FAM135A: variants seen among roughly 807,000 people sequenced by gnomAD.
The protein encoded by FAM135A is family with sequence similarity 135 member A.
A neutral mutation model predicts 146.8 loss-of-function variants in FAM135A; 79 were observed. That is an observed-to-expected ratio of 0.54 (90% CI 0.45 to 0.65). The LOEUF (loss-of-function observed/expected upper bound fraction) is 0.65. Among genes scored for constraint, FAM135A ranks in the 30% least tolerant of loss-of-function variants. The pLI is 0.00. For missense variants in FAM135A, 1,623 were observed against 1,758.2 expected (o/e 0.92, Z 1.38); for synonymous variants, 562 against 603.6 (o/e 0.93, Z 1.01).
intron 12 of FAM135A, 39 bp downstream of exon 12, chr6:70,502,830 G>T: frequency 6.4e-7 from 1 of 1,568,882 alleles, no homozygotes; most frequent in Non-Finnish European, 8.6e-7. Context: ...ATTTTAATGA[G>T]TATTATTTAC....
chr6:70,485,713 G>A (rs1473450905), intron 10 of FAM135A, among the ~76,000 whole-genome samples: 2 of 151,808 alleles, frequency 1.3e-5, no homozygotes, highest in Non-Finnish European at 2.9e-5. Flanking sequence ...AGTTCCTTTC[G>A]GCTTTTTTGC....
At position 70,560,538 on chromosome 6, in the gene FAM135A, A is replaced by G. The variant is rs985695570; in HGVS notation, c.*617A>G. ...ACATATTTCATGCCTATTAAAATATATTTTCTACTGGTGATTTCAACATTA... is the reference window on the plus strand; with the variant it reads ...ACATATTTCATGCCTATTAAAATATGTTTTCTACTGGTGATTTCAACATTA... On this transcript the variant is annotated 3_prime_UTR_variant, in exon 22 of 22. Coordinates refer to ENST00000418814, the MANE Select transcript of FAM135A (RefSeq NM_001162529.3). 6.6e-5 allele frequency: 10 copies of G among 152,484 alleles called. No homozygotes were observed. The highest frequency in any genetic ancestry group is 2.4e-4 in the African/African-American group (10 of 41,414). The allele number at this position is 152,484 out of a possible 1,614,324, so 9.4% of individuals were successfully genotyped here.
chr6:70,530,751 TCAAA>T (rs987082651), intron 16 of FAM135A, among the ~76,000 whole-genome samples: 108 of 152,090 alleles, frequency 7.1e-4, no homozygotes, highest in African/African-American at 2.4e-3. Context: ...AGACTCCATC[TCAAA>T]CAAACAAACA....
intron 15 of FAM135A, among the ~76,000 whole-genome samples, chr6:70,527,062 A>C (rs1418770797): frequency 1.3e-5 from 2 of 151,906 alleles, no homozygotes; most frequent in Non-Finnish European, 2.9e-5. Context: ...CCCTTTTTTC[A>C]TCAGTCCCTC....
chr6:70,444,703 A>C (rs189408094), intron 4 of FAM135A, among the ~76,000 whole-genome samples: 1 of 152,366 alleles, frequency 6.6e-6, no homozygotes, highest in African/African-American at 2.4e-5. Flanking sequence ...ATTTAAAATA[A>C]TGTGTATATT....
chr6:70,500,473 C>T (rs1354960066), intron 11 of FAM135A, among the ~76,000 whole-genome samples: 2 of 152,136 alleles, frequency 1.3e-5, no homozygotes, highest in Non-Finnish European at 2.9e-5. Flanking sequence ...CTTCTGAAGC[C>T]TCCTTCTGTC....
chr6:70,470,510 C>T lies in FAM135A; in HGVS notation c.158-4900C>T, dbSNP rs559694748. 1.2e-4 allele frequency among the ~76,000 whole-genome samples: 18 copies of T among 152,286 alleles called. No homozygotes were observed. In the South Asian group the frequency reaches 3.7e-3, roughly 32 times the overall value. On this transcript the variant is annotated intron_variant, in intron 5 of 21. Coordinates refer to ENST00000418814, the MANE Select transcript of FAM135A (RefSeq NM_001162529.3). ...TAGCTGGGATTACAGGTGGCCGCCA[C>T]CACACCCACCTAATTTTTGTATTTT...
At chr6:70,445,067 T>G (rs1229198281) in intron 4 of FAM135A, among the ~76,000 whole-genome samples, 1 of 152,204 alleles carries the variant, frequency 6.6e-6, no homozygotes, top group Non-Finnish European at 1.5e-5. Flanking sequence ...TATTGTTTCA[T>G]CTAATGTTAG....
At chr6:70,418,845 T>C (rs1216074170) in intron 2 of FAM135A, among the ~76,000 whole-genome samples, 1 of 152,152 alleles carries the variant, frequency 6.6e-6, no homozygotes, top group Non-Finnish European at 1.5e-5. Context: ...GATAGCAGGT[T>C]TGGGGATGCA....
chr6:70,438,043 T>C (rs1407792220), intron 4 of FAM135A, among the ~76,000 whole-genome samples: 1 of 152,000 alleles, frequency 6.6e-6, no homozygotes, highest in African/African-American at 2.4e-5. Flanking sequence ...TATGTGGTTA[T>C]TGGAAAAAAA....
At chr6:70,481,249 A>G (rs1017033850) in intron 9 of FAM135A, among the ~76,000 whole-genome samples, 11 of 152,348 alleles carry the variant, frequency 7.2e-5, no homozygotes, top group African/African-American at 2.4e-4. Flanking sequence ...GACATCTGTG[A>G]CAGCCTGTGC....
intron 12 of FAM135A, among the ~76,000 whole-genome samples, chr6:70,515,364 C>T (rs1166446353): frequency 6.6e-6 from 1 of 152,192 alleles, no homozygotes; most frequent in East Asian, 1.9e-4. Context: ...AGATGTCCTT[C>T]AGTAGGTAAC....
chr6:70,441,685 A>ATTT (rs201530248), intron 4 of FAM135A, among the ~76,000 whole-genome samples: 3 of 140,916 alleles, frequency 2.1e-5, no homozygotes, highest in Non-Finnish European at 3.1e-5. Context: ...GCATTAGCAA[A>ATTT]TTTTTTTTTT....
At chr6:70,414,180 G>A (rs1766972917) in intron 1 of FAM135A, among the ~76,000 whole-genome samples, 1 of 152,120 alleles carries the variant, frequency 6.6e-6, no homozygotes, top group Non-Finnish European at 1.5e-5. Flanking sequence ...GCTCTTCCCT[G>A]TCCGGAGCTC....
intron 12 of FAM135A, among the ~76,000 whole-genome samples, chr6:70,508,210 G>A (rs780593913): frequency 6.6e-6 from 1 of 152,078 alleles, no homozygotes; most frequent in Non-Finnish European, 1.5e-5. Context: ...TGCTCCAAAG[G>A]GAGACATATC....
At chr6:70,471,055 T>C (rs1005722929) in intron 5 of FAM135A, among the ~76,000 whole-genome samples, 1 of 152,214 alleles carries the variant, frequency 6.6e-6, no homozygotes, top group Non-Finnish European at 1.5e-5. Flanking sequence ...TACGGTATGA[T>C]TGCTAGGCAG....
chr6:70,469,958 C>T (rs1420272760), intron 5 of FAM135A, among the ~76,000 whole-genome samples: 1 of 151,700 alleles, frequency 6.6e-6, no homozygotes, highest in Non-Finnish European at 1.5e-5. Flanking sequence ...TGCCACTGCA[C>T]TATAGCCTGG....
intron 12 of FAM135A, among the ~76,000 whole-genome samples, chr6:70,517,333 C>A (rs1339365312): frequency 6.6e-6 from 1 of 151,716 alleles, no homozygotes; most frequent in African/African-American, 2.4e-5. Context: ...GAGTTCCAGA[C>A]CAGCCTGGGC....
Position 70,452,506 on chromosome 6 carries a change from G to C in FAM135A, c.92G>C (p.Arg31Pro). Residue 31 changes from arginine (R) to proline (P), a missense_variant, in exon 5 of 22, where the codon CGT (arginine) becomes CCT (proline). By Grantham distance (103) the Arg-to-Pro change is moderately radical. Coordinates refer to ENST00000418814, the MANE Select transcript of FAM135A (RefSeq NM_001162529.3). ...TTTTGCTTTAGTTTTTACCAGATTC[G>C]TGCTTCTATGAAAATTCCATCAAGA... ...DLFQRGFYQI[R>P]ASMKIPSRIP... is the part of the protein sequence containing the mutation. 1 of 1,594,992 alleles carries C rather than the reference G, an allele frequency of 6.3e-7. No individual in the cohort carries two copies. Among genetic ancestry groups the C allele is most frequent in the Non-Finnish European group, 8.5e-7 (1 of 1,174,390 alleles).
Sources: allele counts gnomAD v4.1 joint callset (sites outside exome capture counted in the v4.1 genomes callset), GRCh38; gene constraint gnomAD v4.1.1; transcripts MANE v1.5; gene names NCBI Gene and HGNC (gene_info 2026-07-23, HGNC 2026-07-21).